Variants in MYBPC3 observed in about 807,000 individuals in gnomAD.
The protein encoded by MYBPC3 is myosin-binding protein C, cardiac-type.
MYBPC3 carries 108 observed loss-of-function variants against 159.3 expected under a neutral mutation model. That is an observed-to-expected ratio of 0.68 (90% confidence interval 0.58 to 0.80). The LOEUF is 0.80. Among genes scored for constraint, MYBPC3 ranks in the 30% least tolerant of loss-of-function variants. The pLI is 0.00. For missense variants in MYBPC3, 1,631 were observed against 1,762.1 expected, an observed-to-expected ratio of 0.93 and a Z score of 1.33; for synonymous variants, 730 against 702.0, an observed-to-expected ratio of 1.04 and a Z score of -0.63.
Position 47,350,574 on chromosome 11 carries a change from C to T in MYBPC3, c.334G>A (p.Glu112Lys). 6.5e-7 allele frequency: 1 copy of T among 1,534,750 alleles called. No individual in the cohort carries two copies. Among genetic ancestry groups the T allele is most frequent in the African/African-American group, 1.4e-5 (1 of 70,994 alleles). Residue 112 changes from glutamate to lysine, a missense_variant, in exon 3 of 35, where the codon GAG becomes AAG. Physicochemically the swap from Glu to Lys is moderately conservative, Grantham distance 56. Transcript: ENST00000545968. ...PMLAPAPAPA[E>K]ATGAPGEAPA... ...GCTTCTCCAGGGGCTCCAGTGGCCT[C>T]AGCAGGGGCAGGGGCAGGGGCCAGC...
intron 25 of MYBPC3, among the ~76,000 whole-genome samples, chr11:47,337,028 G>T (rs1185326529): frequency 6.6e-6 from 1 of 152,222 alleles, no homozygotes; most frequent in Non-Finnish European, 1.5e-5. Context: ...CATTTATTGA[G>T]CACCTGTTAG....
At chr11:47,334,621 T>C (rs935656256) in intron 27 of MYBPC3, among the ~76,000 whole-genome samples, 1 of 151,818 alleles carries the variant, frequency 6.6e-6, no homozygotes, top group Non-Finnish European at 1.5e-5. Context: ...AGTGCAATAG[T>C]GTGATCTCAG....
Position 47,342,845 on chromosome 11 carries a change from C to T in MYBPC3, c.1442G>A (p.Gly481Glu), listed in dbSNP as rs773237942. 1.2e-6 allele frequency: 2 copies of T among 1,612,636 alleles called. No homozygotes were observed. Among genetic ancestry groups the T allele is most frequent in the Admixed American group, 1.7e-5 (1 of 59,918 alleles). The change falls in exon 16 of 35, where the codon GGG becomes GAG. Residue 481 changes from glycine to glutamate, a missense_variant. By Grantham distance (98) the Gly-to-Glu change is moderately conservative. Transcript: ENST00000545968. Reference sequence around the variant, plus strand: ...TGGAACTCACCATTTGACTTGCGCCCCCTCCTCCGATACTTCACACTCAAA... The same window carrying T: ...TGGAACTCACCATTTGACTTGCGCCTCCTCCTCCGATACTTCACACTCAAA... ...VEFECEVSEE[G>E]AQVKWLKDGV...
chr11:47,347,388 C>T (rs1158432077), intron 9 of MYBPC3, 38 bp downstream of exon 9: 3 of 1,562,242 alleles, frequency 1.9e-6, no homozygotes, highest in African/African-American at 2.7e-5. Context: ...GGAGCCAGGC[C>T]TCACCAGCTG....
chr11:47,337,860 T>C, intron 23 of MYBPC3, 66 bp from the exon 24 acceptor site: 1 of 1,400,430 alleles, frequency 7.1e-7, no homozygotes, highest in East Asian at 2.5e-5. Flanking sequence ...ACGTTGCTCG[T>C]CCCCTTCCCA....
Position 47,337,543 on chromosome 11 carries a change from C to A in MYBPC3, c.2450G>T (p.Arg817Leu), listed in dbSNP as rs397515964. The A allele has an allele frequency of 1.2e-6, 2 of 1,614,006 alleles. No individual in the cohort carries two copies. The highest frequency in any genetic ancestry group is 1.7e-6 in the Non-Finnish European group (2 of 1,179,898). Residue 817 changes from arginine to leucine, a missense_variant, in exon 25 of 35, where the codon CGG becomes CTG. By Grantham distance (102) the Arg-to-Leu change is moderately radical. Transcript: ENST00000545968. ...ILERKKKKSYRWMRLNFDLIQ... is the reference protein window; with the variant it reads ...ILERKKKKSYLWMRLNFDLIQ... ...CAGGTCGAAGTTCAGCCGCATCCACCGGTAGCTCTTCTTCTTCTTGCGCTC... is the reference window on the plus strand; with the variant it reads ...CAGGTCGAAGTTCAGCCGCATCCACAGGTAGCTCTTCTTCTTCTTGCGCTC...
chr11:47,348,589 G>T, intron 5 of MYBPC3, 48 bp from the exon 6 acceptor site: 1 of 1,476,430 alleles, frequency 6.8e-7, no homozygotes, highest in Non-Finnish European at 9.3e-7. Context: ...GGGGCCGGGA[G>T]ACAAGGCTCC....
chr11:47,336,038 G>T (rs1374077124), intron 25 of MYBPC3, 27 bp from the exon 26 acceptor site: 3 of 1,440,806 alleles, frequency 2.1e-6, no homozygotes, highest in South Asian at 3.2e-5. Context: ...TCAGAGAGGG[G>T]TCTGAGCAAG....
rs2095884287 is a variant in MYBPC3, at chr11:47,338,029, A to G, written c.2309-235T>C. On this transcript the variant is annotated intron_variant, in intron 23 of 34. Coordinates refer to ENST00000545968, the MANE Select transcript of MYBPC3 (RefSeq NM_000256.3). The surrounding 1 kb of genome is among the most constrained non-coding windows in gnomAD (Gnocchi z 4.7). ...TGGGTCTCAACAGGATGCATTTCTG[A>G]TCATGTCGCCAGCCCTCCGTCAACC... Among the ~76,000 whole-genome samples, 1 of 136,978 alleles carries G rather than the reference A, an allele frequency of 7.3e-6. No homozygotes were observed. The highest frequency in any genetic ancestry group is 2.2e-4 in the South Asian group (1 of 4,472). The allele number at this position is 136,978 out of a possible 152,430, so 89.9% of individuals were successfully genotyped here. A position where few individuals can be genotyped will look rare whatever the true frequency, so the allele number is the denominator to read the frequency against.
chr11:47,348,396 C>T, intron 6 of MYBPC3, 28 bp downstream of exon 6: 3 of 1,548,226 alleles, frequency 1.9e-6, no homozygotes, highest in South Asian at 1.1e-5. Flanking sequence ...GGAGCCCGAG[C>T]CCAGGACAGA....
In MYBPC3 at chr11:47,352,643, G is replaced by T; in HGVS notation, c.5C>A (p.Pro2His). ...GCTACCTGGCTTCTTCCCCGGCTCA[G>T]GCATCCTGAGAGACGTCACACCAGG... Reference protein sequence around the residue: MPEPGKKPVSAF... With the variant: MHEPGKKPVSAF... The change falls in exon 1 of 35, where the codon CCT (proline) becomes CAT (histidine). Residue 2 changes from proline to histidine, a missense_variant. Pro to His is a moderately conservative substitution (Grantham distance 77). Transcript: ENST00000545968. The T allele has an allele frequency of 6.3e-7, 1 of 1,595,050 alleles. No homozygotes were observed. The highest frequency in any genetic ancestry group is 8.5e-7 in the Non-Finnish European group (1 of 1,170,926).
chr11:47,346,364 C>T lies in MYBPC3; in HGVS notation c.933G>A (p.Ser311=), dbSNP rs374326087. 67 of 1,586,720 alleles carry T rather than the reference C, an allele frequency of 4.2e-5. No homozygotes were observed. The highest frequency in any genetic ancestry group is 5.4e-5 in the Non-Finnish European group (63 of 1,165,052). The change falls in exon 12 of 35, where the codon TCG becomes TCA. Residue 311 remains serine (S), a synonymous_variant. Coordinates refer to ENST00000545968, the MANE Select transcript of MYBPC3 (RefSeq NM_000256.3). This position sits in a 1 kb window ranked among gnomAD's most constrained non-coding sequence, Gnocchi z 5.3. ...KRDSFRTPRD[S]KLEAPAEEDV... ...CCTCCTCTGCTGGTGCCTCCAGCTT[C>T]GAGTCCCTGTGTCCCGCAGTCTAGG...
rs371711564 is a variant in MYBPC3, at chr11:47,347,661, G to C, written c.841C>G (p.Arg281Gly). ...FRRTSLAGGG[R>G]RISDSHEDTG... ...CTGGGGCAGGGGTACCTGATCCGCC[G>C]ACCACCTCCAGCCAGGCTCCTGTGG... is the stretch of plus-strand genomic sequence containing the variant. The change falls in exon 8 of 35, where the codon CGG becomes GGG. Residue 281 changes from arginine to glycine, a missense_variant. Transcript: ENST00000545968. 25 of 1,574,358 alleles carry C rather than the reference G, an allele frequency of 1.6e-5. No individual in the cohort carries two copies. The highest frequency in any genetic ancestry group is 2.1e-5 in the Non-Finnish European group (24 of 1,160,418).
rs556390274 is a variant in MYBPC3 at position 47,335,135 on chromosome 11, C to T, written c.2812G>A (p.Ala938Thr). ...GCCCGCACTCGGAAAAGCAGCCGGGCCCCCGTGGGCAGGTCCTTCACCAGT... is the reference window on the plus strand; with the variant it reads ...GCCCGCACTCGGAAAAGCAGCCGGGTCCCCGTGGGCAGGTCCTTCACCAGT... ...SILVKDLPTG[A>T]RLLFRVRAHN... Residue 938 changes from alanine to threonine, a missense_variant, in exon 27 of 35, where the codon GCC becomes ACC. Coordinates refer to ENST00000545968, the MANE Select transcript of MYBPC3 (RefSeq NM_000256.3). The T allele has an allele frequency of 6.2e-7, 1 of 1,611,974 alleles. No homozygotes were observed. The highest frequency in any genetic ancestry group is 1.3e-5 in the African/African-American group (1 of 74,944).
intron 13 of MYBPC3, 50 bp from the exon 14 acceptor site, chr11:47,343,312 C>A: frequency 6.6e-7 from 1 of 1,523,960 alleles, no homozygotes; most frequent in Non-Finnish European, 8.8e-7. Context: ...AGGAAGTGAG[C>A]CCGAGACAAA....
intron 25 of MYBPC3, among the ~76,000 whole-genome samples, chr11:47,337,020 T>C (rs1175858958): frequency 6.6e-6 from 1 of 152,166 alleles, no homozygotes; most frequent in Non-Finnish European, 1.5e-5. Context: ...ACAATGAACA[T>C]TTATTGAGCA....
Position 47,346,593 on chromosome 11 carries a change from G to T in MYBPC3, c.926+34C>A. The T allele has an allele frequency of 6.4e-7, 1 of 1,561,244 alleles. No homozygotes were observed. Among genetic ancestry groups the T allele is most frequent in the Non-Finnish European group, 8.7e-7 (1 of 1,151,698 alleles). Reference sequence around the variant, plus strand: ...GGAGGGGCTCCTGGCAGAATTAGGGGTGATGAGGGTGCTGTGCTATGTTGG... The same window carrying T: ...GGAGGGGCTCCTGGCAGAATTAGGGTTGATGAGGGTGCTGTGCTATGTTGG... On this transcript the variant is annotated intron_variant, in intron 11 of 34. Transcript: ENST00000545968. This position sits in a 1 kb window ranked among gnomAD's most constrained non-coding sequence, Gnocchi z 5.3.
At position 47,333,706 on chromosome 11, in the gene MYBPC3, A is replaced by AG; in HGVS notation, c.3040dup (p.Leu1014ProfsTer37). 1 of 1,609,944 alleles carries AG rather than the reference A, an allele frequency of 6.2e-7. No individual in the cohort carries two copies. The highest frequency in any genetic ancestry group is 8.5e-7 in the Non-Finnish European group (1 of 1,178,838). Reference sequence around the variant, plus strand: ...GCGGATGCTCACCTCCTCGCCTGCCAGGGGCTGCCCCTCTTTGGTCCAGGT... The same window carrying AG: ...GCGGATGCTCACCTCCTCGCCTGCCAGGGGGCTGCCCCTCTTTGGTCCAGGT... On this transcript the variant is annotated frameshift_variant, in exon 29 of 35. Transcript: ENST00000545968. LOFTEE classifies it high-confidence loss of function.
intron 9 of MYBPC3, 24 bp from the exon 10 acceptor site, chr11:47,347,053 T>G: frequency 1.2e-6 from 1 of 834,598 alleles, no homozygotes; most frequent in Non-Finnish European, 2.1e-6. Context: ...GCAGCAGCCA[T>G]AATGGAGGGG....
Sources: gnomAD v4.1 joint callset for allele counts (sites outside exome capture counted in the v4.1 genomes callset) on GRCh38, gnomAD v4.1.1 for gene constraint, Gnocchi (gnomAD v3.1) non-coding constraint, MANE v1.5 for transcripts, NCBI Gene and HGNC (gene_info 2026-07-23, HGNC 2026-07-21) for gene names.